Variants in TTC28 observed in about 807,000 individuals in gnomAD.
The protein encoded by TTC28 is tetratricopeptide repeat domain 28, also known as tetratricopeptide repeat protein 28.
Under a neutral mutation model 198.0 loss-of-function variants are expected in TTC28, and 61 were observed. The observed-to-expected ratio is 0.31, with a 90% CI of 0.25 to 0.38. The LOEUF is 0.38. Ranked by LOEUF, TTC28 falls within the 10% of genes least tolerant of loss-of-function variation. The pLI is 1.00. For missense variants in TTC28, 2,678 were observed against 3,164.0 expected (o/e 0.85, Z 3.69); for synonymous variants, 1,171 against 1,297.8 (o/e 0.90, Z 2.10).
At chr22:28,541,827 G>A (rs943229019) in intron 2 of TTC28, among the ~76,000 whole-genome samples, 3 of 151,894 alleles carry the variant, frequency 2.0e-5, no homozygotes, top group African/African-American at 7.2e-5. Context: ...ATTGGCTCAC[G>A]CCTGTAATCC....
At chr22:28,106,705 A>G (rs1942316020) in intron 7 of TTC28, among the ~76,000 whole-genome samples, 1 of 152,188 alleles carries the variant, frequency 6.6e-6, no homozygotes, top group African/African-American at 2.4e-5. Flanking sequence ...TATTCAGAAA[A>G]GATCAGCGAA....
intron 5 of TTC28, among the ~76,000 whole-genome samples, chr22:28,193,941 T>C (rs902374893): frequency 6.6e-5 from 10 of 152,114 alleles, no homozygotes; most frequent in Admixed American, 2.0e-4. Flanking sequence ...GCAGACCTAA[T>C]AGACATCTAC....
intron 5 of TTC28, among the ~76,000 whole-genome samples, chr22:28,213,788 T>C: frequency 6.6e-6 from 1 of 152,014 alleles, no homozygotes; most frequent in Non-Finnish European, 1.5e-5. Flanking sequence ...ACTTTAAAGT[T>C]CATATGGAAC....
intron 5 of TTC28, among the ~76,000 whole-genome samples, chr22:28,234,626 G>A (rs966358817): frequency 4.6e-5 from 7 of 152,060 alleles, no homozygotes; most frequent in South Asian, 2.1e-4. Flanking sequence ...ACCCACCTCC[G>A]GCTCCCAAAG....
intron 13 of TTC28, 100 bp from the exon 14 acceptor site, chr22:28,014,492 G>A: frequency 2.9e-6 from 4 of 1,379,380 alleles, no homozygotes; most frequent in Non-Finnish European, 3.8e-6. Context: ...GGCAGGCTGA[G>A]GCTTCACAGC....
chr22:28,641,447 T>C (rs1365060142), intron 1 of TTC28, among the ~76,000 whole-genome samples: 1 of 152,154 alleles, frequency 6.6e-6, no homozygotes. Flanking sequence ...ATTTATTAAA[T>C]CTCCATAGTA....
At chr22:28,332,594 C>G (rs1240068720) in intron 2 of TTC28, among the ~76,000 whole-genome samples, 1 of 152,056 alleles carries the variant, frequency 6.6e-6, no homozygotes, top group Non-Finnish European at 1.5e-5. Context: ...TCAGTGTACA[C>G]ACATGGTGAA....
rs1206342246 is a variant in TTC28, at chr22:27,979,814, A to G, written c.*2407T>C. On this transcript the variant is annotated 3_prime_UTR_variant, in exon 23 of 23. Coordinates refer to ENST00000397906, the MANE Select transcript of TTC28 (RefSeq NM_001145418.2). ...CTGACATACACGTAAAGTGGCGGTG[A>G]CTTTACAGTGGCCTCTAGACTGTTC... is the stretch of plus-strand genomic sequence containing the variant. 2.0e-5 allele frequency: 3 copies of G among 152,264 alleles called. No individual in the cohort carries two copies. Among genetic ancestry groups the G allele is most frequent in the Non-Finnish European group, 4.4e-5 (3 of 68,040 alleles). The allele number at this position is 152,264 out of a possible 1,614,324, so 9.4% of individuals were successfully genotyped here. A position where few individuals can be genotyped will look rare whatever the true frequency, so the allele number is the denominator to read the frequency against.
chr22:28,014,226 T>C, intron 14 of TTC28, 22 bp downstream of exon 14: 1 of 1,543,902 alleles, frequency 6.5e-7, no homozygotes, highest in Non-Finnish European at 8.7e-7. Flanking sequence ...GGAGGAGCCT[T>C]GTGCCCCCAG....
intron 5 of TTC28, among the ~76,000 whole-genome samples, chr22:28,252,819 A>G (rs1930618938): frequency 6.6e-6 from 1 of 152,216 alleles, no homozygotes; most frequent in Admixed American, 6.5e-5. Context: ...TGCTGGTTTT[A>G]GAAACATGTT....
At chr22:28,318,573 G>A (rs2045390605) in intron 2 of TTC28, among the ~76,000 whole-genome samples, 1 of 152,144 alleles carries the variant, frequency 6.6e-6, no homozygotes, top group Non-Finnish European at 1.5e-5. Flanking sequence ...TCTTTTCAGG[G>A]TGTAGTTGTG....
At chr22:28,081,819 C>G (rs1340944443) in intron 12 of TTC28, among the ~76,000 whole-genome samples, 1 of 152,166 alleles carries the variant, frequency 6.6e-6, no homozygotes, top group Non-Finnish European at 1.5e-5. Context: ...AGGGATTACA[C>G]TGAATCTGTA....
In TTC28 at chr22:28,030,931, C is replaced by T. The variant is rs184516341; in HGVS notation, c.3933-565G>A. On this transcript the variant is annotated intron_variant, in intron 12 of 22. Coordinates refer to ENST00000397906, the MANE Select transcript of TTC28 (RefSeq NM_001145418.2). The stretch of plus-strand genomic sequence containing the variant: ...GTTGCAATGCTAGCAGGGCAGGCAC[C>T]GCTGGAAACGCAAACTTGAGAACTG... Among the ~76,000 whole-genome samples, 47 of 152,280 alleles carry T rather than the reference C, an allele frequency of 3.1e-4. 1 individual carries two copies. Among genetic ancestry groups the T allele is most frequent in the African/African-American group, 8.4e-4 (35 of 41,562 alleles).
chr22:28,501,128 T>C (rs1390406867), intron 2 of TTC28, among the ~76,000 whole-genome samples: 2 of 152,204 alleles, frequency 1.3e-5, no homozygotes, highest in African/African-American at 4.8e-5. Context: ...CACAGCATTA[T>C]GTACTAGGTG....
chr22:28,661,224 C>T (rs1168405074), intron 1 of TTC28, among the ~76,000 whole-genome samples: 2 of 151,960 alleles, frequency 1.3e-5, no homozygotes, highest in Non-Finnish European at 1.5e-5. Flanking sequence ...GTGGAGGTTG[C>T]GGTGAGTCGA....
chr22:27,984,280 C>T (rs1487774648), intron 22 of TTC28, among the ~76,000 whole-genome samples: 1 of 152,102 alleles, frequency 6.6e-6, no homozygotes, highest in Non-Finnish European at 1.5e-5. Flanking sequence ...TCTGGCATCA[C>T]CGACACTCGC....
intron 6 of TTC28, among the ~76,000 whole-genome samples, chr22:28,139,808 C>G (rs1943286967): frequency 6.6e-6 from 1 of 151,828 alleles, no homozygotes; most frequent in Non-Finnish European, 1.5e-5. Context: ...CAAGGAAAAT[C>G]TCTTTCCCCT....
intron 2 of TTC28, among the ~76,000 whole-genome samples, chr22:28,601,872 TG>T (rs1172107699): frequency 6.6e-6 from 1 of 152,038 alleles, no homozygotes; most frequent in East Asian, 1.9e-4. Flanking sequence ...GACTGTTATA[TG>T]TGAAATTATT....
chr22:28,094,537 G>A (rs969493925), intron 11 of TTC28, among the ~76,000 whole-genome samples: 18 of 152,166 alleles, frequency 1.2e-4, no homozygotes, highest in Non-Finnish European at 2.2e-4. Flanking sequence ...TTTCAAAACA[G>A]ATGCTTCTTA....
Sources: gnomAD v4.1 joint callset for allele counts (sites outside exome capture counted in the v4.1 genomes callset) on GRCh38, gnomAD v4.1.1 for gene constraint, MANE v1.5 for transcripts, NCBI Gene and HGNC (gene_info 2026-07-23, HGNC 2026-07-21) for gene names.